Variants in PDE4D observed in about 807,000 individuals in gnomAD.
The protein encoded by PDE4D is phosphodiesterase 4D.
A neutral mutation model predicts 87.4 loss-of-function variants in PDE4D; 24 were observed. The observed-to-expected ratio is 0.27, with a 90% CI of 0.20 to 0.39. PDE4D has a LOEUF of 0.39. Ranked by LOEUF, PDE4D falls within the 10% of genes least tolerant of loss-of-function variation. PDE4D has a pLI of 1.00. For missense variants in PDE4D, 714 were observed against 1,041.0 expected, an observed-to-expected ratio of 0.69 and a Z score of 4.32; for synonymous variants, 384 against 383.2, an observed-to-expected ratio of 1.00 and a Z score of -0.02.
At chr5:60,419,679 A>T (rs1473917049) in intron 1 of PDE4D, among the ~76,000 whole-genome samples, 1 of 152,218 alleles carries the variant, frequency 6.6e-6, no homozygotes, top group Non-Finnish European at 1.5e-5. Flanking sequence ...AACAATTGCA[A>T]ATCAAATTGA....
chr5:59,573,472 G>A (rs1417179460), intron 1 of PDE4D, among the ~76,000 whole-genome samples: 1 of 152,032 alleles, frequency 6.6e-6, no homozygotes, highest in Non-Finnish European at 1.5e-5. Flanking sequence ...TCAGTACTGG[G>A]GAGGGATCTG....
intron 2 of PDE4D, among the ~76,000 whole-genome samples, chr5:60,170,283 T>A (rs940007330): frequency 6.6e-6 from 1 of 151,990 alleles, no homozygotes; most frequent in Non-Finnish European, 1.5e-5. Context: ...TTACTTGGGA[T>A]GAGTCAAATA....
chr5:60,418,150 T>C (rs756251017), intron 1 of PDE4D, among the ~76,000 whole-genome samples: 8 of 151,530 alleles, frequency 5.3e-5, no homozygotes, highest in Non-Finnish European at 1.0e-4. Context: ...GCTCCTCAAA[T>C]TCAGAAGAGC....
chr5:60,108,938 A>G (rs1777356897), intron 2 of PDE4D, among the ~76,000 whole-genome samples: 1 of 152,234 alleles, frequency 6.6e-6, no homozygotes, highest in African/African-American at 2.4e-5. Flanking sequence ...ACCATTCAGG[A>G]CATAGGCATG....
At chr5:59,778,054 A>C (rs1764252361) in intron 1 of PDE4D, among the ~76,000 whole-genome samples, 1 of 152,212 alleles carries the variant, frequency 6.6e-6, no homozygotes, top group Admixed American at 6.5e-5. Flanking sequence ...AATTTATTTA[A>C]TTATTCTACA....
chr5:59,850,989 T>G (rs1384608685), intron 1 of PDE4D, among the ~76,000 whole-genome samples: 1 of 152,074 alleles, frequency 6.6e-6, no homozygotes, highest in Non-Finnish European at 1.5e-5. Context: ...TGCATCAGGA[T>G]TGCCCAACAG....
chr5:59,520,926 CTG>C (rs774229095), intron 1 of PDE4D, among the ~76,000 whole-genome samples: 8 of 151,252 alleles, frequency 5.3e-5, no homozygotes, highest in Non-Finnish European at 8.8e-5. Context: ...GTGTGTGTGT[CTG>C]TATGTGTGTA....
At chr5:60,083,291 G>C (rs1377116583) in intron 2 of PDE4D, among the ~76,000 whole-genome samples, 2 of 152,116 alleles carry the variant, frequency 1.3e-5, no homozygotes, top group Admixed American at 1.3e-4. Context: ...TTATACCCAT[G>C]AATTATATTA....
chr5:59,657,634 A>T (rs1237211208), intron 1 of PDE4D, among the ~76,000 whole-genome samples: 1 of 152,214 alleles, frequency 6.6e-6, no homozygotes, highest in Non-Finnish European at 1.5e-5. Context: ...TACAATCTAT[A>T]TACTTTAACT....
chr5:59,184,268 A>T (rs1477449958), intron 4 of PDE4D, among the ~76,000 whole-genome samples: 2 of 152,184 alleles, frequency 1.3e-5, no homozygotes, highest in Non-Finnish European at 2.9e-5. Flanking sequence ...TTGATTTTTA[A>T]AAACTTTTTT....
chr5:59,501,727 T>C (rs1808324859), intron 1 of PDE4D, among the ~76,000 whole-genome samples: 1 of 152,024 alleles, frequency 6.6e-6, no homozygotes, highest in African/African-American at 2.4e-5. Flanking sequence ...CACAGTATGG[T>C]GATGGTGACT....
intron 1 of PDE4D, among the ~76,000 whole-genome samples, chr5:59,405,798 G>A (rs551830159): frequency 6.6e-6 from 1 of 152,270 alleles, no homozygotes; most frequent in African/African-American, 2.4e-5. Context: ...ATGATCATAT[G>A]TTTTTGTCCT....
At chr5:59,238,683 T>C (rs965439250) in intron 1 of PDE4D, among the ~76,000 whole-genome samples, 3 of 152,224 alleles carry the variant, frequency 2.0e-5, no homozygotes, top group Non-Finnish European at 2.9e-5. Flanking sequence ...GTTATCCCTT[T>C]TGAGTACCAC....
chr5:59,090,966 G>T, intron 5 of PDE4D: 3 of 304,532 alleles, frequency 9.9e-6, no homozygotes, highest in East Asian at 9.5e-5. Flanking sequence ...TTGGCCTTTG[G>T]CTCCCTAAAG....
intron 1 of PDE4D, among the ~76,000 whole-genome samples, chr5:59,756,509 TACACACACAC>T (rs3062590): frequency 1.4e-5 from 2 of 144,926 alleles, no homozygotes; most frequent in East Asian, 2.0e-4. Context: ...ACCCAAAACA[TACACACACAC>T]ACACACACAC....
chr5:60,308,807 G>T (rs989282103), intron 1 of PDE4D, among the ~76,000 whole-genome samples: 1 of 152,134 alleles, frequency 6.6e-6, no homozygotes, highest in Admixed American at 6.5e-5. Context: ...ACTGAGCTGA[G>T]GGATTCGAAT....
At chr5:59,587,261 G>A (rs1347671037) in intron 1 of PDE4D, among the ~76,000 whole-genome samples, 1 of 152,032 alleles carries the variant, frequency 6.6e-6, no homozygotes, top group African/African-American at 2.4e-5. Context: ...ATTTTGCCTT[G>A]GAAAGAAAAT....
chr5:59,771,504 A>G (rs1266698285), intron 1 of PDE4D, among the ~76,000 whole-genome samples: 22 of 130,066 alleles, frequency 1.7e-4, no homozygotes, highest in African/African-American at 4.5e-4. Context: ...AGAGAGAAGA[A>G]AGAAAGAAAG....
intron 1 of PDE4D, among the ~76,000 whole-genome samples, chr5:59,811,967 C>T (rs1244509426): frequency 6.6e-6 from 1 of 152,200 alleles, no homozygotes; most frequent in East Asian, 1.9e-4. Flanking sequence ...TTACTTTCCC[C>T]ATCGTGAGGG....
Sources: allele counts gnomAD v4.1 joint callset (sites outside exome capture counted in the v4.1 genomes callset), GRCh38; gene constraint gnomAD v4.1.1; transcripts MANE v1.5; gene names NCBI Gene and HGNC (gene_info 2026-07-23, HGNC 2026-07-21).